The following OR1L8 variants were observed in gnomAD, a reference collection of about 807,000 sequenced individuals.
OR1L8 encodes the protein olfactory receptor 1L8.
For synonymous variants in OR1L8, 148 were observed against 147.0 expected, an observed-to-expected ratio of 1.01 and a Z score of -0.05; for missense variants, 330 against 377.4, an observed-to-expected ratio of 0.87 and a Z score of 1.04.
chr9:122,575,380 T>C (rs1177969705), intron 3 of OR1L8, among the ~76,000 whole-genome samples: 1 of 152,168 alleles, frequency 6.6e-6, no homozygotes, highest in Non-Finnish European at 1.5e-5. Context: ...GATACAGTTC[T>C]ATCAATTTCA....
Position 122,567,733 on chromosome 9 carries a change from C to A in OR1L8, c.745G>T (p.Val249Leu), listed in dbSNP as rs146773396. The A allele has an allele frequency of 2.5e-6, 4 of 1,614,036 alleles. No individual in the cohort carries two copies. Among genetic ancestry groups the A allele is most frequent in the Non-Finnish European group, 3.4e-6 (4 of 1,179,994 alleles). The change falls in exon 5 of 5, where the codon GTG becomes TTG. Residue 249 changes from valine to leucine, a missense_variant. Val to Leu is a conservative substitution (Grantham distance 32). Transcript: ENST00000641027. The part of the protein sequence containing the change: ...FSTCGFYLTV[V>L]TLFYGSIFCV... ...AAGATGCTTCCATAAAAGAGCGTCACCACGGTGAGGTAAAAACCACAGGTG... is the reference window on the plus strand; with the variant it reads ...AAGATGCTTCCATAAAAGAGCGTCAACACGGTGAGGTAAAAACCACAGGTG...
downstream of OR1L8, among the ~76,000 whole-genome samples, chr9:122,564,448 C>T (rs1829399841): frequency 6.6e-6 from 1 of 152,166 alleles, no homozygotes; most frequent in African/African-American, 2.4e-5. Flanking sequence ...GCCATTAGAG[C>T]TGCCTCTACC....
intron 4 of OR1L8, among the ~76,000 whole-genome samples, chr9:122,570,836 A>C (rs981150744): frequency 2.0e-5 from 3 of 152,202 alleles, no homozygotes; most frequent in African/African-American, 7.2e-5. Context: ...TTTATTGAAA[A>C]TGTATTAGTA....
At chr9:122,582,560 T>TA (rs5900535) in intron 1 of OR1L8, among the ~76,000 whole-genome samples, 42,011 of 149,196 alleles carry the variant, frequency 0.28, 6,081 homozygotes, top group South Asian at 0.48. Context: ...TGCACAAAAT[T>TA]AAAAAAAAAA....
the OR1L8 span, among the ~76,000 whole-genome samples, chr9:122,558,883 G>A: frequency 6.6e-6 from 1 of 151,350 alleles, no homozygotes; most frequent in Non-Finnish European, 1.5e-5. Flanking sequence ...CTTATAATGT[G>A]GAAGTTTCAT....
chr9:122,571,714 C>CAAA (rs35818693), intron 4 of OR1L8, among the ~76,000 whole-genome samples: 6 of 124,382 alleles, frequency 4.8e-5, no homozygotes, highest in Non-Finnish European at 6.9e-5. Flanking sequence ...GACTCAGTCT[C>CAAA]AAAAAAAAAA....
chr9:122,551,654 C>T, the OR1L8 span, among the ~76,000 whole-genome samples: 366 of 152,248 alleles, frequency 2.4e-3, 1 homozygote, highest in African/African-American at 8.3e-3. Context: ...CCGAGACCCA[C>T]ATTTGAGATC....
chr9:122,573,969 C>G (rs1039561138), intron 3 of OR1L8, among the ~76,000 whole-genome samples: 3 of 152,130 alleles, frequency 2.0e-5, no homozygotes, highest in African/African-American at 7.2e-5. Flanking sequence ...GATAATTTAG[C>G]ACTATTTGTT....
chr9:122,552,216 A>AT, the OR1L8 span, among the ~76,000 whole-genome samples: 1 of 152,154 alleles, frequency 6.6e-6, no homozygotes, highest in Non-Finnish European at 1.5e-5. Flanking sequence ...GAGGACTAAA[A>AT]TAGTTACAAA....
the OR1L8 span, chr9:122,553,811 G>A: frequency 6.2e-7 from 1 of 1,614,088 alleles, no homozygotes; most frequent in Non-Finnish European, 8.5e-7. Flanking sequence ...TAAACGAGCT[G>A]ATGATCATCA....
At chr9:122,553,517 A>G in the OR1L8 span, 13 of 1,613,950 alleles carry the variant, frequency 8.1e-6, no homozygotes, top group Non-Finnish European at 1.1e-5. Context: ...GGTGTCTTGC[A>G]CAGCTATATT....
chr9:122,551,764 C>G, the OR1L8 span, among the ~76,000 whole-genome samples: 1 of 152,038 alleles, frequency 6.6e-6, no homozygotes. Flanking sequence ...CCTTAACGAG[C>G]ACATTGGGAG....
chr9:122,566,271 A>G (rs900935724), downstream of OR1L8, among the ~76,000 whole-genome samples: 2 of 152,210 alleles, frequency 1.3e-5, no homozygotes, highest in African/African-American at 4.8e-5. Flanking sequence ...ACCATTGCAT[A>G]GGTCATCTTG....
chr9:122,548,110 A>G, the OR1L8 span, among the ~76,000 whole-genome samples: 51,164 of 152,074 alleles, frequency 0.34, 9,075 homozygotes, highest in East Asian at 0.46. Flanking sequence ...AAGCAGAAGT[A>G]TACAAATTTA....
chr9:122,562,124 G>T (rs1829364269), downstream of OR1L8, among the ~76,000 whole-genome samples: 1 of 152,214 alleles, frequency 6.6e-6, no homozygotes, highest in East Asian at 1.9e-4. Context: ...GCTGCAGTCT[G>T]CCACAGCCGG....
intron 1 of OR1L8, among the ~76,000 whole-genome samples, chr9:122,581,948 TAAAG>T (rs1344594402): frequency 1.3e-5 from 2 of 152,038 alleles, no homozygotes; most frequent in South Asian, 4.2e-4. Flanking sequence ...AATAAGTAAA[TAAAG>T]ACAGAACTTT....
the OR1L8 span, among the ~76,000 whole-genome samples, chr9:122,557,142 G>T: frequency 6.6e-6 from 1 of 151,794 alleles, no homozygotes; most frequent in Non-Finnish European, 1.5e-5. Flanking sequence ...TGGATATTTT[G>T]GATTTTCTGT....
chr9:122,569,586 T>C (rs1421192214), intron 4 of OR1L8, among the ~76,000 whole-genome samples: 5 of 152,272 alleles, frequency 3.3e-5, no homozygotes, highest in Non-Finnish European at 5.9e-5. Context: ...ATATTGGTTA[T>C]TTATACATTT....
intron 4 of OR1L8, among the ~76,000 whole-genome samples, chr9:122,571,714 CA>C (rs35818693): frequency 1.6e-3 from 200 of 124,310 alleles, no homozygotes; most frequent in Middle Eastern, 4.4e-3. Flanking sequence ...GACTCAGTCT[CA>C]AAAAAAAAAA....
Sources: gnomAD v4.1 joint callset for allele counts (sites outside exome capture counted in the v4.1 genomes callset) on GRCh38, gnomAD v4.1.1 for gene constraint, MANE v1.5 for transcripts, NCBI Gene and HGNC (gene_info 2026-07-23, HGNC 2026-07-21) for gene names.